The following COL12A1 variants were observed in gnomAD, a reference collection of about 807,000 sequenced individuals.
COL12A1 encodes collagen alpha-1(XII) chain.
COL12A1 carries 114 observed loss-of-function variants against 349.7 expected under a neutral mutation model. The observed-to-expected ratio is 0.33, with a 90% CI of 0.28 to 0.38. The LOEUF (loss-of-function observed/expected upper bound fraction) is 0.38, where lower values mean the gene tolerates loss of function less well. COL12A1 is among the 10% of genes least tolerant of loss of function. COL12A1 has a pLI of 1.00. For missense variants in COL12A1, 3,284 were observed against 3,756.9 expected, an observed-to-expected ratio of 0.87 and a Z score of 3.29; for synonymous variants, 1,369 against 1,329.0, an observed-to-expected ratio of 1.03 and a Z score of -0.66.
chr6:75,173,903 A>G (rs1768775096), intron 13 of COL12A1, among the ~76,000 whole-genome samples: 1 of 152,176 alleles, frequency 6.6e-6, no homozygotes, highest in African/African-American at 2.4e-5. Context: ...AAAATAAATC[A>G]TATAAAATAT....
intron 17 of COL12A1, 90 bp from the exon 18 acceptor site, chr6:75,152,572 C>T (rs1767549363): frequency 4.1e-6 from 6 of 1,449,714 alleles, no homozygotes; most frequent in Non-Finnish European, 5.7e-6. Flanking sequence ...CCTGGATCCT[C>T]AGTGTTGCCT....
chr6:75,152,336 T>C lies in COL12A1; in HGVS notation c.3712A>G (p.Ile1238Val). ...VFDIGPKRVQ[I>V]ALAQYSGDPR... ...CTCCAATGTTGTCAGAACCTACCAA[T>C]TTGTACTCTTTTGGGGCCAATGTCA... Residue 1238 changes from isoleucine (I) to valine (V), a missense_variant, in exon 18 of 66, where the codon ATT (isoleucine) becomes GTT (valine). Ile to Val is a conservative substitution (Grantham distance 29, BLOSUM62 3). Around this residue, in one of 2 missense-constraint regions of COL12A1, gnomAD observed 2,601 missense variants for 2,824.8 expected, o/e 0.92. Coordinates refer to ENST00000322507, the MANE Select transcript of COL12A1 (RefSeq NM_004370.6). 6.2e-7 allele frequency: 1 copy of C among 1,613,590 alleles called. No homozygotes were observed. Among genetic ancestry groups the C allele is most frequent in the Non-Finnish European group, 8.5e-7 (1 of 1,179,698 alleles).
chr6:75,145,318 T>A lies in COL12A1; in HGVS notation c.4690+8A>T, dbSNP rs760044445. The A allele has an allele frequency of 9.4e-6, 15 of 1,592,038 alleles. No individual in the cohort carries two copies. The highest frequency in any genetic ancestry group is 3.3e-4 in the Middle Eastern group (2 of 5,978). ...TAAGAAGGGAAATAAAACTAAGCAG[T>A]AGCTTACAGGTGACTTCCCGAACAG... On this transcript the variant is annotated splice_region_variant and intron_variant, in intron 25 of 65. Transcript: ENST00000322507.
intron 43 of COL12A1, among the ~76,000 whole-genome samples, chr6:75,123,100 C>T (rs1765828453): frequency 6.6e-6 from 1 of 152,158 alleles, no homozygotes; most frequent in South Asian, 2.1e-4. Context: ...AAACAGACTT[C>T]CAGCTGAAGA....
chr6:75,152,571 T>A, intron 17 of COL12A1, 89 bp from the exon 18 acceptor site: 1 of 1,456,278 alleles, frequency 6.9e-7, no homozygotes, highest in Non-Finnish European at 9.5e-7. Flanking sequence ...CCCTGGATCC[T>A]CAGTGTTGCC....
chr6:75,120,018 C>T (rs926786122), intron 44 of COL12A1, among the ~76,000 whole-genome samples: 4 of 152,136 alleles, frequency 2.6e-5, no homozygotes, highest in Admixed American at 2.6e-4. Context: ...CATTTAATAG[C>T]TATGTGACAA....
At chr6:75,154,345 T>TGG in intron 17 of COL12A1, 71 bp downstream of exon 17, 3 of 1,518,476 alleles carry the variant, frequency 2.0e-6, no homozygotes, top group Non-Finnish European at 2.7e-6. Flanking sequence ...CATTGTATGA[T>TGG]ACCCTAACAG....
intron 46 of COL12A1, among the ~76,000 whole-genome samples, chr6:75,118,333 A>T (rs1769187568): frequency 6.6e-6 from 1 of 152,228 alleles, no homozygotes; most frequent in Non-Finnish European, 1.5e-5. Flanking sequence ...TCATAAATTT[A>T]GCCAAAGAAT....
intron 13 of COL12A1, among the ~76,000 whole-genome samples, chr6:75,171,108 C>T (rs1467035993): frequency 6.6e-6 from 1 of 152,132 alleles, no homozygotes; most frequent in Non-Finnish European, 1.5e-5. Flanking sequence ...GATTTTCCTC[C>T]AAGCACTAAC....
chr6:75,142,759 C>T (rs1274455181), intron 26 of COL12A1, among the ~76,000 whole-genome samples: 4 of 152,148 alleles, frequency 2.6e-5, no homozygotes, highest in Non-Finnish European at 5.9e-5. Flanking sequence ...AACTTTGAAT[C>T]CGGTCATCAC....
chr6:75,194,551 A>G (rs1462793977), intron 3 of COL12A1, among the ~76,000 whole-genome samples: 1 of 152,090 alleles, frequency 6.6e-6, no homozygotes, highest in South Asian at 2.1e-4. Flanking sequence ...CTATAAGATC[A>G]AAGGTTACTA....
rs533963107 is a variant in COL12A1 at position 75,172,568 on chromosome 6, A to G, written c.2710+2470T>C. ...AATCTTATGAACAACCTATGCTAAA[A>G]GATTGTGGAAAGCATATGGAGAAAC... On this transcript the variant is annotated intron_variant, in intron 13 of 65. Transcript: ENST00000322507. 5.9e-5 allele frequency among the ~76,000 whole-genome samples: 9 copies of G among 152,332 alleles called. No homozygotes were observed. In the South Asian group the frequency reaches 1.9e-3, roughly 32 times the overall value.
chr6:75,087,967 C>T (rs1048857063), intron 64 of COL12A1, among the ~76,000 whole-genome samples: 1 of 152,116 alleles, frequency 6.6e-6, no homozygotes, highest in Non-Finnish European at 1.5e-5. Context: ...GTATTTTATT[C>T]CAGAAAACCT....
chr6:75,166,911 A>T (rs991717149), intron 13 of COL12A1, among the ~76,000 whole-genome samples: 1 of 152,168 alleles, frequency 6.6e-6, no homozygotes, highest in African/African-American at 2.4e-5. Context: ...GGGAAAAAAT[A>T]AATGAAACAG....
chr6:75,181,217 T>A lies in COL12A1; in HGVS notation c.1892-6A>T, dbSNP rs60109744. The A allele has an allele frequency of 2.8e-4, 356 of 1,258,720 alleles. No individual in the cohort carries two copies. Among genetic ancestry groups the A allele is most frequent in the East Asian group, 3.9e-4 (15 of 38,632 alleles). 78.0% of individuals were successfully genotyped at this position (1,258,720 alleles called of 1,614,324 possible). A position where few individuals can be genotyped will look rare whatever the true frequency, so the allele number is the denominator to read the frequency against. On this transcript the variant is annotated splice_region_variant and splice_polypyrimidine_tract_variant and intron_variant, in intron 10 of 65. Transcript: ENST00000322507. ...ATCCTTTGGAGGGACGTAAGCTATT[T>A]AAAAAAAAAAAAAGACAGTTAAAAA...
intron 34 of COL12A1, among the ~76,000 whole-genome samples, chr6:75,132,472 T>C (rs1432502924): frequency 6.6e-6 from 1 of 152,212 alleles, no homozygotes; most frequent in Non-Finnish European, 1.5e-5. Flanking sequence ...ACAACAGCTA[T>C]TGAGCTCATC....
rs1409526097 is a variant in COL12A1, at chr6:75,138,473, A to G, written c.5205T>C (p.Asp1735=). ...TAIYPDESES[D]DLIGSERTLP... Reference sequence around the variant, plus strand: ...GTGTGCGCTCACTGCCAATCAGGTCATCACTTTCTGACTCATCAGGATAGA... The same window carrying G: ...GTGTGCGCTCACTGCCAATCAGGTCGTCACTTTCTGACTCATCAGGATAGA... The change falls in exon 29 of 66, where the codon GAT becomes GAC. Residue 1735 remains aspartate (D), a synonymous_variant. Coordinates refer to ENST00000322507, the MANE Select transcript of COL12A1 (RefSeq NM_004370.6). 2 of 1,613,890 alleles carry G rather than the reference A, an allele frequency of 1.2e-6. No homozygotes were observed. Among genetic ancestry groups the G allele is most frequent in the South Asian group, 2.2e-5 (2 of 91,046 alleles).
At chr6:75,202,604 C>T in intron 2 of COL12A1, 116 bp downstream of exon 2, 2 of 1,024,842 alleles carry the variant, frequency 2.0e-6, no homozygotes, top group Non-Finnish European at 2.9e-6. Context: ...GAGAAACCAC[C>T]GGAGAAAGCA....
chr6:75,178,392 C>T (rs1769089874), intron 11 of COL12A1, among the ~76,000 whole-genome samples: 1 of 152,184 alleles, frequency 6.6e-6, no homozygotes, highest in Admixed American at 6.5e-5. Context: ...ACCGTCTTAT[C>T]CAGTCCGTCC....
Sources: gnomAD v4.1 joint callset for allele counts (sites outside exome capture counted in the v4.1 genomes callset) on GRCh38, gnomAD v4.1.1 for gene constraint, gnomAD v4.1.1 regional missense constraint, MANE v1.5 for transcripts, NCBI Gene and HGNC (gene_info 2026-07-23, HGNC 2026-07-21) for gene names.